Variants in CSMD3 observed in about 807,000 individuals in gnomAD.
CSMD3 encodes the protein CUB and sushi domain-containing protein 3.
Under a neutral mutation model 435.2 loss-of-function variants are expected in CSMD3, and 177 were observed. That is an observed-to-expected ratio of 0.41 (90% confidence interval 0.36 to 0.46). The LOEUF (loss-of-function observed/expected upper bound fraction) is 0.46, where lower values mean the gene tolerates loss of function less well. Ranked by LOEUF, CSMD3 falls within the 20% of genes least tolerant of loss-of-function variation. The pLI, the probability that CSMD3 is intolerant of heterozygous loss-of-function variation, is 0.34. For synonymous variants in CSMD3, 1,656 were observed against 1,520.5 expected (o/e 1.09, Z -2.07); for missense variants, 4,265 against 4,504.6 (o/e 0.95, Z 1.52).
intron 22 of CSMD3, among the ~76,000 whole-genome samples, chr8:112,626,230 G>A (rs767725520): frequency 2.6e-5 from 4 of 152,122 alleles, no homozygotes; most frequent in African/African-American, 7.2e-5. Context: ...CTACTCTCTC[G>A]TATTCAACCG....
At chr8:112,497,391 A>C in intron 30 of CSMD3, among the ~76,000 whole-genome samples, 1 of 151,888 alleles carries the variant, frequency 6.6e-6, no homozygotes, top group African/African-American at 2.4e-5. Flanking sequence ...AATAAATGAT[A>C]AATGCTTGAT....
At chr8:112,424,437 T>C (rs543253831) in intron 32 of CSMD3, among the ~76,000 whole-genome samples, 1 of 152,342 alleles carries the variant, frequency 6.6e-6, no homozygotes, top group South Asian at 2.1e-4. Context: ...CTTTGTATTA[T>C]GTTTTGGTCT....
intron 1 of CSMD3, among the ~76,000 whole-genome samples, chr8:113,349,293 TGAG>T (rs1205646691): frequency 1.3e-5 from 2 of 152,134 alleles, no homozygotes; most frequent in African/African-American, 4.8e-5. Context: ...TACTAGGCTC[TGAG>T]GAGATTTTTC....
intron 32 of CSMD3, among the ~76,000 whole-genome samples, chr8:112,436,223 C>T (rs1814329065): frequency 6.6e-6 from 1 of 151,758 alleles, no homozygotes; most frequent in Non-Finnish European, 1.5e-5. Context: ...TCTTGAGAAA[C>T]TGATCTAATG....
chr8:112,706,687 A>G (rs1353434638), intron 13 of CSMD3, among the ~76,000 whole-genome samples: 3 of 152,072 alleles, frequency 2.0e-5, no homozygotes, highest in African/African-American at 2.4e-5. Flanking sequence ...CCTTGTGTCC[A>G]ATGTTAAGGG....
chr8:112,373,209 C>T (rs1190935009), intron 38 of CSMD3, among the ~76,000 whole-genome samples: 1 of 151,554 alleles, frequency 6.6e-6, no homozygotes, highest in Non-Finnish European at 1.5e-5. Context: ...AAACACTATC[C>T]TTTTTTATAG....
At chr8:113,263,563 A>G (rs1453357361) in intron 3 of CSMD3, among the ~76,000 whole-genome samples, 2 of 151,910 alleles carry the variant, frequency 1.3e-5, no homozygotes, top group African/African-American at 2.4e-5. Context: ...TGCAAGAACT[A>G]AAATTATACT....
At chr8:113,275,867 A>G (rs2093565409) in intron 3 of CSMD3, among the ~76,000 whole-genome samples, 2 of 152,008 alleles carry the variant, frequency 1.3e-5, no homozygotes, top group South Asian at 2.1e-4. Flanking sequence ...ATTTAAAAAT[A>G]CAGGCATAAT....
At chr8:112,246,606 C>T (rs887835947) in intron 64 of CSMD3, among the ~76,000 whole-genome samples, 1 of 152,152 alleles carries the variant, frequency 6.6e-6, no homozygotes, top group Non-Finnish European at 1.5e-5. Flanking sequence ...TATTTCCTTT[C>T]ATAGATGTTG....
chr8:112,251,548 G>C (rs945997363), intron 63 of CSMD3, among the ~76,000 whole-genome samples: 1 of 151,136 alleles, frequency 6.6e-6, no homozygotes, highest in East Asian at 1.9e-4. Flanking sequence ...TATCATTTAA[G>C]GTAATAAAAC....
chr8:113,390,132 A>T (rs2094455499), intron 1 of CSMD3, among the ~76,000 whole-genome samples: 1 of 151,886 alleles, frequency 6.6e-6, no homozygotes, highest in Admixed American at 6.6e-5. Flanking sequence ...ACTATGGAAT[A>T]TAAGATTCTC....
chr8:112,988,000 A>G (rs1200930549), intron 6 of CSMD3, among the ~76,000 whole-genome samples: 2 of 152,082 alleles, frequency 1.3e-5, no homozygotes, highest in Non-Finnish European at 2.9e-5. Flanking sequence ...GGAAAATAGA[A>G]GGGTCTAGGA....
rs551256952 is a variant in CSMD3, at chr8:113,046,683, G to A, written c.918-27504C>T. ...GGCTTGAGGAGGCCGGCGTCAAAGA[G>A]CTCTCCACAGCCTCTGCTGTTTTTA... On this transcript the variant is annotated intron_variant, in intron 5 of 70. Transcript: ENST00000297405. 2.6e-5 allele frequency among the ~76,000 whole-genome samples: 4 copies of A among 152,310 alleles called. No individual in the cohort carries two copies. In the South Asian group the frequency reaches 8.3e-4, roughly 32 times the overall value.
At chr8:112,285,337 GTC>G (rs1191224933) in intron 58 of CSMD3, among the ~76,000 whole-genome samples, 2 of 151,990 alleles carry the variant, frequency 1.3e-5, no homozygotes, top group Non-Finnish European at 2.9e-5. Context: ...AAAGAGTTTA[GTC>G]TCTCTTACTG....
intron 32 of CSMD3, among the ~76,000 whole-genome samples, chr8:112,468,245 T>G (rs1435743687): frequency 1.3e-5 from 2 of 151,374 alleles, no homozygotes; most frequent in African/African-American, 4.8e-5. Flanking sequence ...TTTTTTTTTT[T>G]TTTTTTTTTT....
chr8:113,140,193 G>T (rs547989182), intron 4 of CSMD3, among the ~76,000 whole-genome samples: 1 of 150,948 alleles, frequency 6.6e-6, no homozygotes, highest in East Asian at 2.0e-4. Context: ...AATCCACCAA[G>T]AAAACATAGT....
intron 4 of CSMD3, among the ~76,000 whole-genome samples, chr8:113,126,198 T>C (rs915392582): frequency 3.0e-4 from 45 of 151,890 alleles, no homozygotes; most frequent in Non-Finnish European, 5.3e-4. Context: ...ATAACTAGCA[T>C]AGATGAGAAA....
intron 3 of CSMD3, among the ~76,000 whole-genome samples, chr8:113,201,506 T>C (rs2092715608): frequency 6.6e-6 from 1 of 152,022 alleles, no homozygotes; most frequent in Non-Finnish European, 1.5e-5. Flanking sequence ...TAGATTTTTG[T>C]TTTTGATAAG....
At chr8:112,261,334 AAT>A (rs1816379001) in intron 61 of CSMD3, among the ~76,000 whole-genome samples, 1 of 152,110 alleles carries the variant, frequency 6.6e-6, no homozygotes, top group South Asian at 2.1e-4. Flanking sequence ...TAAATTATAA[AAT>A]GACTATCCAT....
Sources: gnomAD v4.1 joint callset for allele counts (sites outside exome capture counted in the v4.1 genomes callset) on GRCh38, gnomAD v4.1.1 for gene constraint, MANE v1.5 for transcripts, NCBI Gene and HGNC (gene_info 2026-07-23, HGNC 2026-07-21) for gene names.